SEMA5A: variants seen among roughly 807,000 people sequenced by gnomAD.
SEMA5A encodes semaphorin 5A, also known as semaphorin-5A.
In SEMA5A, 55 loss-of-function variants were observed where a neutral mutation model predicts 135.5. The observed-to-expected ratio is 0.41, with a 90% CI of 0.33 to 0.51. The LOEUF is 0.51. Ranked by LOEUF, SEMA5A falls within the 20% of genes least tolerant of loss-of-function variation. The probability of loss-of-function intolerance (pLI) is 0.37; values close to 1 mark genes in which losing one functional copy is unlikely to be tolerated. For missense variants in SEMA5A, 1,290 were observed against 1,419.9 expected (o/e 0.91, Z 1.47); for synonymous variants, 580 against 546.5 (o/e 1.06, Z -0.85).
At chr5:9,118,898 A>G (rs986398243) in intron 15 of SEMA5A, 100 bp downstream of exon 15, 69 of 1,447,446 alleles carry the variant, frequency 4.8e-5, no homozygotes, top group Non-Finnish European at 6.0e-5. Context: ...GCCACACATA[A>G]GCTTAGGCAG....
chr5:9,284,618 T>C (rs951176081), intron 5 of SEMA5A, among the ~76,000 whole-genome samples: 4 of 152,232 alleles, frequency 2.6e-5, no homozygotes, highest in Admixed American at 6.5e-5. Flanking sequence ...TATTTTTCCC[T>C]TTATTTGCTA....
At chr5:9,128,415 C>T (rs931668751) in intron 13 of SEMA5A, among the ~76,000 whole-genome samples, 1 of 152,200 alleles carries the variant, frequency 6.6e-6, no homozygotes, top group African/African-American at 2.4e-5. Flanking sequence ...TTCTCTGCTC[C>T]TTCTCTTCCT....
chr5:9,042,818 G>A lies in SEMA5A; in HGVS notation c.*79C>T. ...AATGTATCCAAACTTCGACTCTGAA[G>A]CCTCAGAAACATGGGCAGTCATGGG... On this transcript the variant is annotated 3_prime_UTR_variant, in exon 23 of 23. Transcript: ENST00000382496. The A allele has an allele frequency of 1.3e-6, 2 of 1,549,450 alleles. No homozygotes were observed. Among genetic ancestry groups the A allele is most frequent in the Non-Finnish European group, 1.8e-6 (2 of 1,128,970 alleles).
chr5:9,135,482 G>C (rs1279286849), intron 13 of SEMA5A, among the ~76,000 whole-genome samples: 1 of 151,844 alleles, frequency 6.6e-6, no homozygotes, highest in Non-Finnish European at 1.5e-5. Flanking sequence ...TGCCCGGCCT[G>C]GTTTTCCGAC....
At chr5:9,309,725 C>T (rs925786641) in intron 5 of SEMA5A, among the ~76,000 whole-genome samples, 2 of 152,064 alleles carry the variant, frequency 1.3e-5, no homozygotes, top group East Asian at 3.9e-4. Context: ...GTTTTAATGG[C>T]AGTTAACTTG....
chr5:9,174,961 G>T (rs1744125593), intron 11 of SEMA5A, among the ~76,000 whole-genome samples: 1 of 152,196 alleles, frequency 6.6e-6, no homozygotes, highest in African/African-American at 2.4e-5. Flanking sequence ...CCTGAGCAAA[G>T]ATTCCATTTG....
chr5:9,174,843 C>T (rs941607592), intron 11 of SEMA5A, among the ~76,000 whole-genome samples: 2 of 152,166 alleles, frequency 1.3e-5, no homozygotes, highest in Non-Finnish European at 2.9e-5. Context: ...TGCTACCGTG[C>T]CCTTCATGTT....
In SEMA5A at chr5:9,224,706, C is replaced by T. The variant is rs763654731; in HGVS notation, c.614G>A (p.Arg205His). ...CCATTTGGAGTTGTACTGCGCCGTG[C>T]GGAGAGGAGGTAAAATGCCTAGGCT... ...YRSLGILPPL[R>H]TAQYNSKWLN... The change falls in exon 8 of 23, where the codon CGC becomes CAC. Residue 205 changes from arginine (R) to histidine (H), a missense_variant. Arg to His is a conservative substitution (Grantham distance 29, BLOSUM62 0). Around this residue, in one of 3 missense-constraint regions of SEMA5A, gnomAD observed 145 missense variants for 212.0 expected, o/e 0.68. Transcript: ENST00000382496. The T allele has an allele frequency of 1.2e-6, 2 of 1,614,070 alleles. No homozygotes were observed. The highest frequency in any genetic ancestry group is 1.7e-6 in the Non-Finnish European group (2 of 1,180,010).
At chr5:9,303,856 A>T (rs1751733121) in intron 5 of SEMA5A, among the ~76,000 whole-genome samples, 1 of 152,222 alleles carries the variant, frequency 6.6e-6, no homozygotes, top group Middle Eastern at 3.2e-3. Flanking sequence ...TAAAAATAAC[A>T]TATTTTGAAA....
At chr5:9,151,966 T>A (rs1417762364) in intron 12 of SEMA5A, among the ~76,000 whole-genome samples, 1 of 152,162 alleles carries the variant, frequency 6.6e-6, no homozygotes, top group Admixed American at 6.5e-5. Context: ...GAGCACCAGC[T>A]CCTGTGGATC....
At chr5:9,235,607 A>G (rs1258109643) in intron 6 of SEMA5A, among the ~76,000 whole-genome samples, 1 of 152,030 alleles carries the variant, frequency 6.6e-6, no homozygotes, top group Admixed American at 6.6e-5. Context: ...GGGAGAGGGA[A>G]GGAGGGTGGG....
intron 1 of SEMA5A, among the ~76,000 whole-genome samples, chr5:9,531,865 C>G (rs937383072): frequency 6.6e-6 from 1 of 152,184 alleles, no homozygotes; most frequent in South Asian, 2.1e-4. Context: ...TGGAGCAAGA[C>G]ACACTAAAAG....
chr5:9,397,925 A>T (rs1236539616), intron 2 of SEMA5A, among the ~76,000 whole-genome samples: 1 of 152,176 alleles, frequency 6.6e-6, no homozygotes, highest in Non-Finnish European at 1.5e-5. Context: ...TCACCATCCA[A>T]ACAGCCTCAT....
intron 2 of SEMA5A, among the ~76,000 whole-genome samples, chr5:9,394,417 T>C (rs908814354): frequency 1.3e-5 from 2 of 152,038 alleles, no homozygotes; most frequent in Non-Finnish European, 2.9e-5. Flanking sequence ...TGCCGTGGAG[T>C]CTGGCTTCCT....
chr5:9,393,458 G>A (rs1020917581), intron 2 of SEMA5A, among the ~76,000 whole-genome samples: 8 of 152,146 alleles, frequency 5.3e-5, no homozygotes, highest in African/African-American at 1.9e-4. Context: ...TAGATACTAG[G>A]AGCACAGACT....
chr5:9,246,180 G>T (rs1026338347), intron 5 of SEMA5A, among the ~76,000 whole-genome samples: 8 of 152,022 alleles, frequency 5.3e-5, no homozygotes, highest in African/African-American at 1.9e-4. Flanking sequence ...AAGTAGGATT[G>T]GTTTAAAAAA....
chr5:9,328,576 C>T (rs1173231815), intron 4 of SEMA5A, among the ~76,000 whole-genome samples: 3 of 152,046 alleles, frequency 2.0e-5, no homozygotes, highest in Admixed American at 6.6e-5. Context: ...GTCAGGAGTT[C>T]GAGACCAGCC....
intron 5 of SEMA5A, among the ~76,000 whole-genome samples, chr5:9,238,695 G>A (rs1426932677): frequency 6.6e-6 from 1 of 151,568 alleles, no homozygotes; most frequent in Non-Finnish European, 1.5e-5. Context: ...TGAGGCACCT[G>A]GGCTTTTTTT....
intron 16 of SEMA5A, among the ~76,000 whole-genome samples, chr5:9,068,674 C>T (rs1323568767): frequency 2.6e-5 from 4 of 152,012 alleles, no homozygotes; most frequent in Admixed American, 6.5e-5. Context: ...CAGAAGTCAC[C>T]CAATGTTGTT....
Sources: gnomAD v4.1 joint callset for allele counts (sites outside exome capture counted in the v4.1 genomes callset) on GRCh38, gnomAD v4.1.1 for gene constraint, gnomAD v4.1.1 regional missense constraint, MANE v1.5 for transcripts, NCBI Gene and HGNC (gene_info 2026-07-23, HGNC 2026-07-21) for gene names.